GPHN: variants seen among roughly 807,000 people sequenced by gnomAD.
GPHN encodes gephyrin.
Under a neutral mutation model 95.5 loss-of-function variants are expected in GPHN, and 17 were observed. The ratio of observed to expected loss-of-function variants is 0.18; its 90% CI spans 0.12 to 0.27. The LOEUF (loss-of-function observed/expected upper bound fraction) is 0.27, where lower values mean the gene tolerates loss of function less well. Ranked by LOEUF, GPHN falls within the 10% of genes least tolerant of loss-of-function variation. GPHN has a pLI of 1.00. For synonymous variants in GPHN, 320 were observed against 322.5 expected (o/e 0.99, Z 0.08); for missense variants, 660 against 978.1 (o/e 0.67, Z 4.34).
intron 1 of GPHN, chr14:66,509,317 T>C (rs1487561378): frequency 6.6e-6 from 1 of 152,404 alleles, no homozygotes; most frequent in African/African-American, 2.4e-5. Context: ...TCCAGCTTTT[T>C]ACTTGAGAGG....
At chr14:67,506,503 C>T in the GPHN span, among the ~76,000 whole-genome samples, 11 of 152,220 alleles carry the variant, frequency 7.2e-5, no homozygotes, top group South Asian at 1.9e-3. Context: ...CATCTCTCAT[C>T]CCCCCAGTAG....
At chr14:67,692,900 G>C in the GPHN span, 1 of 1,375,196 alleles carries the variant, frequency 7.3e-7, no homozygotes, top group Non-Finnish European at 1.0e-6. Flanking sequence ...TAAAACAGCA[G>C]TAATAGGAGG....
intron 1 of GPHN, among the ~76,000 whole-genome samples, chr14:66,511,790 C>T (rs1181071724): frequency 6.6e-6 from 1 of 151,762 alleles, no homozygotes. Flanking sequence ...TTATTAAGCA[C>T]TTGAAAATGA....
intron 3 of GPHN, among the ~76,000 whole-genome samples, chr14:66,814,040 T>C (rs1341137702): frequency 1.3e-5 from 2 of 152,184 alleles, no homozygotes; most frequent in Non-Finnish European, 2.9e-5. Flanking sequence ...CTGATGCATG[T>C]CTACACAGGT....
chr14:67,605,392 G>C, the GPHN span, among the ~76,000 whole-genome samples: 1 of 152,078 alleles, frequency 6.6e-6, no homozygotes, highest in African/African-American at 2.4e-5. Flanking sequence ...ATCTCACTCT[G>C]TCACCCAGGC....
chr14:67,573,434 C>T, the GPHN span: 2 of 1,117,646 alleles, frequency 1.8e-6, no homozygotes, highest in Admixed American at 1.7e-5. The surrounding 1 kb of genome is among the most constrained non-coding windows in gnomAD (Gnocchi z 4.8). Context: ...CTCCACATCA[C>T]ACCCTGGACT....
chr14:66,598,350 A>G (rs1437595327), intron 1 of GPHN, among the ~76,000 whole-genome samples: 1 of 151,958 alleles, frequency 6.6e-6, no homozygotes. Flanking sequence ...TTCTACAGGT[A>G]TCAAAGCATC....
intron 3 of GPHN, among the ~76,000 whole-genome samples, chr14:66,781,853 G>A (rs139058941): frequency 6.6e-6 from 1 of 152,118 alleles, no homozygotes; most frequent in Admixed American, 6.5e-5. Flanking sequence ...GAGCATCCTG[G>A]TACTCATGTA....
the GPHN span, among the ~76,000 whole-genome samples, chr14:67,212,894 T>C: frequency 2.1e-4 from 31 of 147,912 alleles, no homozygotes; most frequent in Middle Eastern, 3.4e-3. Context: ...TAGATACAAG[T>C]GCCAAGACAT....
chr14:67,302,423 G>A, the GPHN span: 9 of 1,588,144 alleles, frequency 5.7e-6, no homozygotes, highest in African/African-American at 1.4e-5. Flanking sequence ...GCTACAGTTC[G>A]TAATGAAATG....
intron 21 of GPHN, among the ~76,000 whole-genome samples, chr14:67,177,730 T>C (rs1404714116): frequency 1.3e-5 from 2 of 152,188 alleles, no homozygotes; most frequent in African/African-American, 4.8e-5. Flanking sequence ...TTTGTAGGTC[T>C]CTAAGAGCTT....
At chr14:67,473,682 G>T in the GPHN span, 2 of 1,584,818 alleles carry the variant, frequency 1.3e-6, no homozygotes, top group Non-Finnish European at 1.7e-6. This position sits in a 1 kb window ranked among gnomAD's most constrained non-coding sequence, Gnocchi z 6.5. Flanking sequence ...GGTCCAGAGC[G>T]TGTAGATGAG....
chr14:67,120,692 A>C (rs1217401987), intron 16 of GPHN, among the ~76,000 whole-genome samples: 1 of 152,248 alleles, frequency 6.6e-6, no homozygotes, highest in Non-Finnish European at 1.5e-5. Flanking sequence ...AAAGAGCTGC[A>C]AGCCTTGCCC....
intron 2 of GPHN, among the ~76,000 whole-genome samples, chr14:66,710,360 T>C (rs1038475010): frequency 2.0e-5 from 3 of 152,164 alleles, no homozygotes; most frequent in Admixed American, 6.6e-5. Context: ...TTCCAAAACA[T>C]TGTACATATT....
At chr14:66,993,254 C>A (rs2071553252) in intron 9 of GPHN, among the ~76,000 whole-genome samples, 1 of 151,874 alleles carries the variant, frequency 6.6e-6, no homozygotes, top group African/African-American at 2.4e-5. Context: ...ACATAGATTT[C>A]CCCCTCTACA....
At chr14:67,110,337 G>C in intron 14 of GPHN, 78 bp downstream of exon 14, 2 of 1,512,942 alleles carry the variant, frequency 1.3e-6, no homozygotes, top group Non-Finnish European at 1.8e-6. Flanking sequence ...CAGTGTTTGT[G>C]AGATTAACCC....
At chr14:66,907,087 A>G (rs2065420505) in intron 5 of GPHN, among the ~76,000 whole-genome samples, 1 of 152,168 alleles carries the variant, frequency 6.6e-6, no homozygotes, top group South Asian at 2.1e-4. Flanking sequence ...TATTTAACCA[A>G]TTTATGTGAA....
chr14:67,327,402 C>G, the GPHN span, among the ~76,000 whole-genome samples: 1 of 151,568 alleles, frequency 6.6e-6, no homozygotes, highest in Non-Finnish European at 1.5e-5. Flanking sequence ...ACCTGTAATC[C>G]CAGCATTTTC....
the GPHN span, among the ~76,000 whole-genome samples, chr14:67,603,437 T>A: frequency 1.3e-5 from 2 of 152,188 alleles, no homozygotes; most frequent in African/African-American, 2.4e-5. Context: ...CTTAATTTTT[T>A]AAAAATACTC....
Sources: gnomAD v4.1 joint callset for allele counts (sites outside exome capture counted in the v4.1 genomes callset) on GRCh38, gnomAD v4.1.1 for gene constraint, Gnocchi (gnomAD v3.1) non-coding constraint, MANE v1.5 for transcripts, NCBI Gene and HGNC (gene_info 2026-07-23, HGNC 2026-07-21) for gene names.